Variants in TENM3 observed in about 807,000 individuals in gnomAD.
The protein encoded by TENM3 is teneurin transmembrane protein 3.
Under a neutral mutation model 255.1 loss-of-function variants are expected in TENM3, and 63 were observed. The observed-to-expected ratio is 0.25, with a 90% confidence interval of 0.20 to 0.30. The LOEUF is 0.30. Among genes scored for constraint, TENM3 ranks in the 10% least tolerant of loss-of-function variants. The pLI, the probability that TENM3 is intolerant of heterozygous loss-of-function variation, is 1.00. For missense variants in TENM3, 2,929 were observed against 3,461.1 expected, an observed-to-expected ratio of 0.85 and a Z score of 3.86; for synonymous variants, 1,306 against 1,322.3, an observed-to-expected ratio of 0.99 and a Z score of 0.27.
intron 3 of TENM3, among the ~76,000 whole-genome samples, chr4:182,521,232 G>A (rs568446240): frequency 5.4e-4 from 82 of 152,280 alleles, no homozygotes; most frequent in African/African-American, 1.7e-3. Flanking sequence ...AGGGAAACAC[G>A]TCACCATTCT....
At chr4:181,919,679 T>TGA in the TENM3 span, among the ~76,000 whole-genome samples, 1 of 152,062 alleles carries the variant, frequency 6.6e-6, no homozygotes, top group Non-Finnish European at 1.5e-5. Context: ...TCGATCGGCA[T>TGA]GAGGGACCAC....
chr4:182,393,468 T>C (rs1312610820), intron 3 of TENM3, among the ~76,000 whole-genome samples: 1 of 152,082 alleles, frequency 6.6e-6, no homozygotes, highest in Admixed American at 6.6e-5. Flanking sequence ...CATTTGCAAA[T>C]AATTTATAAT....
chr4:182,339,663 T>C (rs1764360465), intron 2 of TENM3, among the ~76,000 whole-genome samples: 2 of 152,180 alleles, frequency 1.3e-5, no homozygotes, highest in Non-Finnish European at 2.9e-5. Context: ...TCTGGTTCCT[T>C]GCCACGTTGC....
chr4:181,515,516 C>G, the TENM3 span, among the ~76,000 whole-genome samples: 1 of 151,976 alleles, frequency 6.6e-6, no homozygotes, highest in South Asian at 2.1e-4. Context: ...CCTATATGTT[C>G]TACCCCAATA....
At chr4:181,697,010 C>T in the TENM3 span, among the ~76,000 whole-genome samples, 1 of 152,194 alleles carries the variant, frequency 6.6e-6, no homozygotes, top group Non-Finnish European at 1.5e-5. Context: ...TACAAATTGT[C>T]TGGTATTAAC....
At chr4:182,726,726 T>A (rs949213429) in intron 13 of TENM3, among the ~76,000 whole-genome samples, 2 of 152,220 alleles carry the variant, frequency 1.3e-5, no homozygotes, top group Non-Finnish European at 2.9e-5. Flanking sequence ...GCTACTTTTA[T>A]TCTTCAGATG....
chr4:182,665,770 C>T (rs1754619618), intron 6 of TENM3, among the ~76,000 whole-genome samples: 1 of 152,038 alleles, frequency 6.6e-6, no homozygotes, highest in South Asian at 2.1e-4. Flanking sequence ...GTGGCGGGCA[C>T]CTGTAGTCCC....
At chr4:182,075,280 C>G in the TENM3 span, among the ~76,000 whole-genome samples, 1 of 147,402 alleles carries the variant, frequency 6.8e-6, no homozygotes, top group South Asian at 2.1e-4. Flanking sequence ...CTCACTGCAA[C>G]CTCTGCCTCC....
At chr4:182,212,205 A>T (rs1282102944) in intron 1 of TENM3, among the ~76,000 whole-genome samples, 1 of 152,198 alleles carries the variant, frequency 6.6e-6, no homozygotes, top group Non-Finnish European at 1.5e-5. Flanking sequence ...ACCAAGACTG[A>T]TACTGAGCTG....
At chr4:182,481,639 C>A (rs1734215262) in intron 3 of TENM3, among the ~76,000 whole-genome samples, 1 of 152,100 alleles carries the variant, frequency 6.6e-6, no homozygotes, top group Non-Finnish European at 1.5e-5. Flanking sequence ...TACTAAAATA[C>A]ACAAAATTAG....
chr4:181,826,478 G>A, the TENM3 span, among the ~76,000 whole-genome samples: 9 of 152,134 alleles, frequency 5.9e-5, no homozygotes, highest in Non-Finnish European at 1.0e-4. Flanking sequence ...AGATCCAGGC[G>A]TGAAAGCATT....
At chr4:182,620,753 G>A (rs1030125915) in intron 4 of TENM3, among the ~76,000 whole-genome samples, 1 of 152,180 alleles carries the variant, frequency 6.6e-6, no homozygotes, top group Non-Finnish European at 1.5e-5. Flanking sequence ...TTTTGAGACA[G>A]GGTCTTGCTC....
the TENM3 span, among the ~76,000 whole-genome samples, chr4:182,100,746 C>CACACATATATACACATATATAT: frequency 1.2e-5 from 1 of 86,376 alleles, no homozygotes; most frequent in African/African-American, 4.8e-5. Flanking sequence ...CATATATATA[C>CACACATATATACACATATATAT]ACACATATAT....
intron 3 of TENM3, among the ~76,000 whole-genome samples, chr4:182,353,799 C>A (rs968821004): frequency 6.6e-6 from 1 of 152,042 alleles, no homozygotes; most frequent in Non-Finnish European, 1.5e-5. Flanking sequence ...AACCCCATCT[C>A]TACTAAAAAT....
At chr4:181,985,526 A>G in the TENM3 span, among the ~76,000 whole-genome samples, 1 of 152,152 alleles carries the variant, frequency 6.6e-6, no homozygotes, top group South Asian at 2.1e-4. Flanking sequence ...CCACAGAGCC[A>G]GCAGAGAATC....
At chr4:181,733,451 C>T in the TENM3 span, among the ~76,000 whole-genome samples, 7 of 152,156 alleles carry the variant, frequency 4.6e-5, no homozygotes, top group Non-Finnish European at 8.8e-5. Context: ...AAAGGAGTGA[C>T]TGAAATCACC....
intron 2 of TENM3, among the ~76,000 whole-genome samples, chr4:182,333,148 T>G (rs953882446): frequency 3.9e-5 from 6 of 152,186 alleles, no homozygotes; most frequent in African/African-American, 1.4e-4. Context: ...GTTTAATGTT[T>G]AAAAATCTAT....
At chr4:182,055,613 G>A in the TENM3 span, among the ~76,000 whole-genome samples, 7 of 152,086 alleles carry the variant, frequency 4.6e-5, no homozygotes, top group African/African-American at 1.7e-4. Flanking sequence ...CTCACTTGCT[G>A]TAGCGCTAAT....
intron 13 of TENM3, among the ~76,000 whole-genome samples, chr4:182,723,462 A>G (rs1316248299): frequency 1.3e-5 from 2 of 152,202 alleles, no homozygotes; most frequent in African/African-American, 4.8e-5. Flanking sequence ...GTGGGTATCA[A>G]TTATCTTTTG....
Sources: gnomAD v4.1 joint callset for allele counts (sites outside exome capture counted in the v4.1 genomes callset) on GRCh38, gnomAD v4.1.1 for gene constraint, MANE v1.5 for transcripts, NCBI Gene and HGNC (gene_info 2026-07-23, HGNC 2026-07-21) for gene names.